Variants in DLG4 observed in about 807,000 individuals in gnomAD.
DLG4 encodes disks large homolog 4.
DLG4 carries 7 observed loss-of-function variants against 93.8 expected under a neutral mutation model. That is an observed-to-expected ratio of 0.07 (90% confidence interval 0.04 to 0.14). The LOEUF is 0.14. DLG4 is among the 10% of genes least tolerant of loss of function. The pLI is 1.00. For synonymous variants in DLG4, 341 were observed against 387.6 expected (o/e 0.88, Z 1.41); for missense variants, 545 against 992.9 (o/e 0.55, Z 6.06).
intron 2 of DLG4, among the ~76,000 whole-genome samples, chr17:7,205,598 A>G (rs887556648): frequency 6.6e-6 from 1 of 152,020 alleles, no homozygotes; most frequent in African/African-American, 2.4e-5. Context: ...TTTCACACCC[A>G]TAAATCTATT....
At chr17:7,218,685 G>A, upstream of DLG4, 1 of 1,544,086 alleles carries the variant, frequency 6.5e-7, no homozygotes, top group East Asian at 2.4e-5. Context: ...TGCCAACACA[G>A]GAAGATGAAC....
chr17:7,192,316 G>A (rs2069544911), intron 17 of DLG4: 3 of 364,834 alleles, frequency 8.2e-6, no homozygotes, highest in Admixed American at 4.5e-5. Flanking sequence ...GCAGCGAGTG[G>A]GGCGGGGTGT....
At position 7,187,310 on chromosome 17, in the gene DLG4, G is replaced by T. The variant is rs1052084385; in HGVS notation, c.*3398C>A. On this transcript the variant is annotated 3_prime_UTR_variant, in exon 20 of 20. Coordinates refer to ENST00000399506, the MANE Select transcript of DLG4 (RefSeq NM_001321075.3). ...ATCCTAGCACTTTGGGAGGCCGAGG[G>T]GGGGGGGGGTGGATCACCCGAGGTC... Among the ~76,000 whole-genome samples, 18 of 117,342 alleles carry T rather than the reference G, an allele frequency of 1.5e-4. 2 individuals carry two copies. The highest frequency in any genetic ancestry group is 5.0e-4 in the African/African-American group (18 of 35,968). The allele number at this position is 117,342 out of a possible 152,430, so 77.0% of individuals were successfully genotyped here. A position where few individuals can be genotyped will look rare whatever the true frequency, so the allele number is the denominator to read the frequency against.
chr17:7,209,343 G>T (rs1279728068), intron 1 of DLG4, among the ~76,000 whole-genome samples: 2 of 152,130 alleles, frequency 1.3e-5, no homozygotes, highest in Non-Finnish European at 2.9e-5. Flanking sequence ...TTCCGTGTCC[G>T]CCTCTGCCCT....
chr17:7,191,118 C>T lies in DLG4; in HGVS notation c.2068+149G>A, dbSNP rs1321147841. ...CCGAGTAGCTGGGATTACAGGTGCC[C>T]GCCAGTGCTGGGATTACAGGCGTGA... On this transcript the variant is annotated intron_variant, in intron 19 of 19. Coordinates refer to ENST00000399506, the MANE Select transcript of DLG4 (RefSeq NM_001321075.3). The surrounding 1 kb of genome is among the most constrained non-coding windows in gnomAD (Gnocchi z 6.6). The T allele has an allele frequency of 1.8e-5, 13 of 712,458 alleles. No individual in the cohort carries two copies. Among genetic ancestry groups the T allele is most frequent in the Admixed American group, 9.3e-5 (4 of 43,036 alleles). The allele number at this position is 712,458 out of a possible 1,614,324, so 44.1% of individuals were successfully genotyped here. A position where few individuals can be genotyped will look rare whatever the true frequency, so the allele number is the denominator to read the frequency against.
Position 7,194,258 on chromosome 17 carries a change from C to T in DLG4, c.1478+61G>A, listed in dbSNP as rs907616684. The T allele has an allele frequency of 6.1e-5, 94 of 1,548,324 alleles. No homozygotes were observed. Among genetic ancestry groups the T allele is most frequent in the African/African-American group, 8.2e-5 (6 of 73,220 alleles). ...CCCATCCCCTGTTGGCTGCCCACCC[C>T]GGGGGACCTTGGGAACTTCAGTGCC... On this transcript the variant is annotated intron_variant, in intron 12 of 19. Transcript: ENST00000399506. The surrounding 1 kb of genome is among the most constrained non-coding windows in gnomAD (Gnocchi z 4.4).
chr17:7,194,417 C>T lies in DLG4; in HGVS notation c.1380G>A (p.Leu460=). 6.2e-7 allele frequency: 1 copy of T among 1,612,688 alleles called. No homozygotes were observed. The highest frequency in any genetic ancestry group is 8.5e-7 in the Non-Finnish European group (1 of 1,179,430). ...QALSFRFGDV[L]HVIDASDEEW... is the part of the protein sequence containing the mutation. ...CCTCATCACTAGCATCGATGACATG[C>T]AGCACATCCCCAAAGCGGAAGCTCA... The change falls in exon 12 of 20, where the codon CTG becomes CTA. Residue 460 remains leucine, a synonymous_variant. Coordinates refer to ENST00000399506, the MANE Select transcript of DLG4 (RefSeq NM_001321075.3). The surrounding 1 kb of genome is among the most constrained non-coding windows in gnomAD (Gnocchi z 4.4).
In DLG4 at chr17:7,191,867, G is replaced by T; in HGVS notation, c.1976+26C>A. On this transcript the variant is annotated intron_variant, in intron 18 of 19. Transcript: ENST00000399506. This position sits in a 1 kb window ranked among gnomAD's most constrained non-coding sequence, Gnocchi z 6.6. ...GGGCCACAGGTGTTGGGGGAGCAAA[G>T]GGGAGGCCCCCAGGACCATACTCAC... 1 of 1,415,632 alleles carries T rather than the reference G, an allele frequency of 7.1e-7. No individual in the cohort carries two copies. Among genetic ancestry groups the T allele is most frequent in the South Asian group, 1.7e-5 (1 of 59,630 alleles). 87.7% of individuals were successfully genotyped at this position (1,415,632 alleles called of 1,614,324 possible). A position where few individuals can be genotyped will look rare whatever the true frequency, so the allele number is the denominator to read the frequency against.
In DLG4 at chr17:7,217,434, G is replaced by T; in HGVS notation, c.-287C>A. The stretch of plus-strand genomic sequence containing the variant: ...GGGGCGGGGGCACCGGGGGCTGGCA[G>T]CCCCGGAGTTCGGGGGCTGGGGCAT... On this transcript the variant is annotated 5_prime_UTR_variant, in exon 1 of 20. It adds an upstream start codon to the 5' untranslated region. Coordinates refer to ENST00000399506, the MANE Select transcript of DLG4 (RefSeq NM_001321075.3). 1 of 227,472 alleles carries T rather than the reference G, an allele frequency of 4.4e-6. No homozygotes were observed. The highest frequency in any genetic ancestry group is 3.8e-5 in the South Asian group (1 of 26,190). 14.1% of individuals were successfully genotyped at this position (227,472 alleles called of 1,614,324 possible).
Position 7,204,050 on chromosome 17 carries a change from C to T in DLG4, c.168G>A (p.Gly56=). ...EAPGYELQVN[G]TEGEMEYEEI... The stretch of plus-strand genomic sequence containing the variant: ...CCTCGTATTCCATCTCCCCCTCGGT[C>T]CCGTTCACCTGCAACTCCAGCACGG... Residue 56 remains glycine, a synonymous_variant, in exon 4 of 20, where the codon GGG becomes GGA. Transcript: ENST00000399506. 2 of 1,609,842 alleles carry T rather than the reference C, an allele frequency of 1.2e-6. No individual in the cohort carries two copies. Among genetic ancestry groups the T allele is most frequent in the Non-Finnish European group, 1.7e-6 (2 of 1,178,056 alleles).
intron 1 of DLG4, among the ~76,000 whole-genome samples, chr17:7,214,159 A>G (rs1176432047): frequency 6.6e-6 from 1 of 152,200 alleles, no homozygotes; most frequent in African/African-American, 2.4e-5. Flanking sequence ...AAATCTGAAC[A>G]GACCTCCATC....
In DLG4 at chr17:7,203,856, C is replaced by A. The variant is rs1354293781; in HGVS notation, c.211-40G>T. 2 of 1,609,796 alleles carry A rather than the reference C, an allele frequency of 1.2e-6. No homozygotes were observed. Among genetic ancestry groups the A allele is most frequent in the Non-Finnish European group, 1.7e-6 (2 of 1,178,106 alleles). On this transcript the variant is annotated intron_variant, in intron 4 of 19. Coordinates refer to ENST00000399506, the MANE Select transcript of DLG4 (RefSeq NM_001321075.3). This position sits in a 1 kb window ranked among gnomAD's most constrained non-coding sequence, Gnocchi z 7.2. ...GGAAGAGGGTCAGCTCCCCTCACTG[C>A]CCAAGTCTGGCAAGGCAAGTGGGGT...
At position 7,193,921 on chromosome 17, in the gene DLG4, A is replaced by C; in HGVS notation, c.1515+43T>G. The C allele has an allele frequency of 6.2e-7, 1 of 1,613,082 alleles. No homozygotes were observed. Among genetic ancestry groups the C allele is most frequent in the Non-Finnish European group, 8.5e-7 (1 of 1,179,362 alleles). The stretch of plus-strand genomic sequence containing the variant: ...GGTTAGTTATGAGCTCAGCTCCATG[A>C]GCCCTCACACTTCCACCCAGGCTCA... On this transcript the variant is annotated intron_variant, in intron 13 of 19. Transcript: ENST00000399506. The surrounding 1 kb of genome is among the most constrained non-coding windows in gnomAD (Gnocchi z 6.7).
rs1597430411 is a variant in DLG4 at position 7,188,811 on chromosome 17, C to A, written c.*1897G>T. ...TTACAAAGCTGCCTCAGATCTTTCC[C>A]ATAGAGATAGGACATAAAGGCTGGG... On this transcript the variant is annotated 3_prime_UTR_variant, in exon 20 of 20. Coordinates refer to ENST00000399506, the MANE Select transcript of DLG4 (RefSeq NM_001321075.3). 6.6e-6 allele frequency among the ~76,000 whole-genome samples: 1 copy of A among 152,162 alleles called. No individual in the cohort carries two copies. Among genetic ancestry groups the A allele is most frequent in the South Asian group, 2.1e-4 (1 of 4,818 alleles).
At chr17:7,218,226 C>T, upstream of DLG4, 1 of 1,605,196 alleles carries the variant, frequency 6.2e-7, no homozygotes, top group Non-Finnish European at 8.5e-7. Flanking sequence ...TAGGCGCTCG[C>T]CCCCACCTCC....
At position 7,208,326 on chromosome 17, in the gene DLG4, G is replaced by A; in HGVS notation, c.31-87C>T. ...GCCCTGGCCGCCGCCTCTTCCCCCA[G>A]CCAGTGCAGTGCGGAAGGCCCTGGG... is the stretch of plus-strand genomic sequence containing the variant. On this transcript the variant is annotated intron_variant, in intron 1 of 19. Coordinates refer to ENST00000399506, the MANE Select transcript of DLG4 (RefSeq NM_001321075.3). The surrounding 1 kb of genome is among the most constrained non-coding windows in gnomAD (Gnocchi z 5.4). 1 of 1,208,744 alleles carries A rather than the reference G, an allele frequency of 8.3e-7. No homozygotes were observed. The highest frequency in any genetic ancestry group is 1.1e-6 in the Non-Finnish European group (1 of 936,634). 74.9% of individuals were successfully genotyped at this position (1,208,744 alleles called of 1,614,324 possible).
intron 1 of DLG4, chr17:7,211,624 G>C: frequency 1.1e-6 from 1 of 948,016 alleles, no homozygotes; most frequent in Non-Finnish European, 1.3e-6. Context: ...TCCGGGAAGG[G>C]GGAGCGGGCC....
At position 7,191,599 on chromosome 17, in the gene DLG4, T is replaced by C. The variant is rs928175244; in HGVS notation, c.1977-241A>G. 6.8e-6 allele frequency: 4 copies of C among 590,306 alleles called. No homozygotes were observed. Among genetic ancestry groups the C allele is most frequent in the Non-Finnish European group, 1.2e-5 (4 of 331,788 alleles). The allele number at this position is 590,306 out of a possible 1,614,324, so 36.6% of individuals were successfully genotyped here. A position where few individuals can be genotyped will look rare whatever the true frequency, so the allele number is the denominator to read the frequency against. ...TCTACGGAGCTTCATCCTTCCAGCC[T>C]TCAGCCCCAGAGATGGGATTCGGAC... On this transcript the variant is annotated intron_variant, in intron 18 of 19. Coordinates refer to ENST00000399506, the MANE Select transcript of DLG4 (RefSeq NM_001321075.3). This position sits in a 1 kb window ranked among gnomAD's most constrained non-coding sequence, Gnocchi z 6.6.
At chr17:7,202,643 T>G in intron 8 of DLG4, 2 of 535,564 alleles carry the variant, frequency 3.7e-6, no homozygotes, top group South Asian at 3.2e-5. Context: ...GAATTATCTA[T>G]TCCTTGAGAA....
Sources: gnomAD v4.1 joint callset for allele counts (sites outside exome capture counted in the v4.1 genomes callset) on GRCh38, gnomAD v4.1.1 for gene constraint, Gnocchi (gnomAD v3.1) non-coding constraint, MANE v1.5 for transcripts, NCBI Gene and HGNC (gene_info 2026-07-23, HGNC 2026-07-21) for gene names.